The following RYR3 variants were observed in gnomAD, a reference collection of about 807,000 sequenced individuals.
RYR3 encodes the protein brain ryanodine receptor-calcium release channel.
A neutral mutation model predicts 584.3 loss-of-function variants in RYR3; 207 were observed. The ratio of observed to expected loss-of-function variants is 0.35; its 90% CI spans 0.32 to 0.40. The LOEUF (loss-of-function observed/expected upper bound fraction) is 0.40. Among genes scored for constraint, RYR3 ranks in the 10% least tolerant of loss-of-function variants. RYR3 has a pLI of 1.00. For synonymous variants in RYR3, 2,416 were observed against 2,248.5 expected, an observed-to-expected ratio of 1.07 and a Z score of -2.11; for missense variants, 5,616 against 6,089.2, an observed-to-expected ratio of 0.92 and a Z score of 2.59.
Position 33,721,510 on chromosome 15 carries a change from C to T in RYR3, c.6620-1205C>T, listed in dbSNP as rs564237279. Among the ~76,000 whole-genome samples, 192 of 152,282 alleles carry T rather than the reference C, an allele frequency of 1.3e-3. 1 individual carries two copies. The highest frequency in any genetic ancestry group is 1.8e-3 in the African/African-American group (73 of 41,548). ...CTTATCACATTGTAACCTCGATTAT[C>T]GCTCAGTTCTCCAAGAAATACCTAG... On this transcript the variant is annotated intron_variant, in intron 43 of 103. Coordinates refer to ENST00000634891, the MANE Select transcript of RYR3 (RefSeq NM_001036.6).
intron 16 of RYR3, among the ~76,000 whole-genome samples, chr15:33,593,871 T>G (rs1398583088): frequency 6.6e-6 from 1 of 152,216 alleles, no homozygotes; most frequent in East Asian, 1.9e-4. Flanking sequence ...ACTGGTTTGC[T>G]TTATTATACT....
At chr15:33,430,462 T>C (rs1481152140) in intron 1 of RYR3, among the ~76,000 whole-genome samples, 2 of 152,206 alleles carry the variant, frequency 1.3e-5, no homozygotes, top group Non-Finnish European at 2.9e-5. Flanking sequence ...GAGAGCTTTA[T>C]CTAAAAATTT....
chr15:33,647,475 T>C lies in RYR3; in HGVS notation c.3978+15T>C, dbSNP rs1566866448. On this transcript the variant is annotated intron_variant, in intron 30 of 103. Transcript: ENST00000634891. ...ATACAACAACAGTAAGTAAATGTGC[T>C]CAATTATGGTTTTAATTATTTGATT... 3.8e-6 allele frequency: 6 copies of C among 1,576,918 alleles called. No homozygotes were observed. Among genetic ancestry groups the C allele is most frequent in the Non-Finnish European group, 3.5e-6 (4 of 1,146,376 alleles).
chr15:33,788,274 A>T lies in RYR3; in HGVS notation c.9646A>T (p.Ile3216Phe), dbSNP rs762804569. The T allele has an allele frequency of 2.5e-6, 4 of 1,614,024 alleles. No homozygotes were observed. Among genetic ancestry groups the T allele is most frequent in the Middle Eastern group, 1.6e-4 (1 of 6,062 alleles). ...ARPDLLRSHF[I>F]PTLEKLKKKA... Reference sequence around the variant, plus strand: ...GCCCGACCTGCTGAGAAGCCACTTCATCCCAACTCTGGAGAAGCTGAAGAA... The same window carrying T: ...GCCCGACCTGCTGAGAAGCCACTTCTTCCCAACTCTGGAGAAGCTGAAGAA... The change falls in exon 67 of 104, where the codon ATC becomes TTC. Residue 3216 changes from isoleucine (I) to phenylalanine (F), a missense_variant. Physicochemically the swap from Ile to Phe is conservative, Grantham distance 21. Transcript: ENST00000634891.
intron 103 of RYR3, 142 bp downstream of exon 103, chr15:33,864,331 A>G (rs1889661001): frequency 3.1e-6 from 2 of 644,278 alleles, no homozygotes; most frequent in South Asian, 2.1e-5. Flanking sequence ...TTGTGACTCA[A>G]TAAGAAGCCA....
intron 82 of RYR3, 147 bp from the exon 83 acceptor site, chr15:33,826,105 T>C: frequency 1.3e-6 from 1 of 755,988 alleles, no homozygotes; most frequent in Non-Finnish European, 2.3e-6. Context: ...ACTTGCTCTG[T>C]TTCAGTAAAA....
At chr15:33,553,389 C>T (rs957431954) in intron 10 of RYR3, among the ~76,000 whole-genome samples, 6 of 152,080 alleles carry the variant, frequency 3.9e-5, no homozygotes, top group African/African-American at 4.8e-5. Flanking sequence ...GCTGCAGGTG[C>T]GTGCTAACAT....
intron 94 of RYR3, chr15:33,852,005 AC>A: frequency 6.7e-6 from 1 of 150,354 alleles, no homozygotes; most frequent in African/African-American, 2.5e-5. Context: ...GCTTTAACAA[AC>A]CAAAAAAAAA....
intron 1 of RYR3, among the ~76,000 whole-genome samples, chr15:33,385,933 G>A (rs1214954898): frequency 1.3e-5 from 2 of 151,900 alleles, no homozygotes; most frequent in African/African-American, 4.8e-5. Context: ...ACAAACTCCT[G>A]TGCTCAAGTG....
chr15:33,356,013 G>C (rs918987720), intron 1 of RYR3, among the ~76,000 whole-genome samples: 2 of 152,178 alleles, frequency 1.3e-5, no homozygotes, highest in Non-Finnish European at 2.9e-5. Flanking sequence ...AGGACATTCA[G>C]GTGGAGATTT....
chr15:33,793,960 T>G (rs932530058), intron 67 of RYR3, among the ~76,000 whole-genome samples: 1 of 137,890 alleles, frequency 7.3e-6, no homozygotes. Context: ...ATTTATTTAT[T>G]TATGTAAATG....
intron 1 of RYR3, among the ~76,000 whole-genome samples, chr15:33,432,668 T>TGTGTGTGTGTGTGTGTGTGTGTGTGTG (rs113646851): frequency 2.3e-5 from 3 of 132,142 alleles, no homozygotes; most frequent in African/African-American, 9.5e-5. Flanking sequence ...GCCTAGCTAA[T>TGTGTGTGTGTGTGTGTGTGTGTGTGTG]TGTGTGTGTG....
intron 1 of RYR3, among the ~76,000 whole-genome samples, chr15:33,366,977 G>A (rs1384389020): frequency 6.6e-6 from 1 of 152,210 alleles, no homozygotes; most frequent in East Asian, 1.9e-4. Context: ...GACATTGGGT[G>A]TACCTGATAT....
At chr15:33,640,662 G>T (rs1015832563) in intron 27 of RYR3, among the ~76,000 whole-genome samples, 1 of 152,128 alleles carries the variant, frequency 6.6e-6, no homozygotes, top group African/African-American at 2.4e-5. Flanking sequence ...CCAGTATGAG[G>T]CCTTATAATA....
At chr15:33,641,369 C>G (rs920932030) in intron 27 of RYR3, among the ~76,000 whole-genome samples, 5 of 152,222 alleles carry the variant, frequency 3.3e-5, no homozygotes, top group African/African-American at 1.2e-4. Context: ...ATCTGTAGAG[C>G]ACTAAGCCTG....
At chr15:33,535,499 G>A (rs1028177751) in intron 5 of RYR3, among the ~76,000 whole-genome samples, 3 of 152,150 alleles carry the variant, frequency 2.0e-5, no homozygotes, top group African/African-American at 7.2e-5. Flanking sequence ...TTCCTCTAAG[G>A]TGTTGTCGAC....
chr15:33,690,551 A>T (rs1401679788), intron 38 of RYR3, among the ~76,000 whole-genome samples: 1 of 152,204 alleles, frequency 6.6e-6, no homozygotes, highest in Non-Finnish European at 1.5e-5. Context: ...ATTCAGAAGT[A>T]AACATGGAAA....
rs550553714 is a variant in RYR3, at chr15:33,378,665, T to C, written c.51+67569T>C. The stretch of plus-strand genomic sequence containing the variant: ...AGTTATTATTAGGACAGAAAGCAGA[T>C]TGAAAATATGTTTTAAGGCCATGTG... On this transcript the variant is annotated intron_variant, in intron 1 of 103. Coordinates refer to ENST00000634891, the MANE Select transcript of RYR3 (RefSeq NM_001036.6). 2.4e-4 allele frequency among the ~76,000 whole-genome samples: 37 copies of C among 152,370 alleles called. No individual in the cohort carries two copies. The South Asian group carries it at 7.5e-3, about 31-fold the overall frequency.
Position 33,442,304 on chromosome 15 carries a change from GAATT to G in RYR3, c.52-31109_52-31106del, listed in dbSNP as rs555990754. Among the ~76,000 whole-genome samples, 15 of 152,276 alleles carry G rather than the reference GAATT, an allele frequency of 9.9e-5. No homozygotes were observed. The South Asian group carries it at 2.5e-3, about 25-fold the overall frequency. Reference sequence around the variant, plus strand: ...GTCAAGCAATTGAAATTTCCACCATGAATTAATTACATTGTTTTATGGTATCTCA... The same window carrying G: ...GTCAAGCAATTGAAATTTCCACCATGAATTACATTGTTTTATGGTATCTCA... On this transcript the variant is annotated intron_variant, in intron 1 of 103. Transcript: ENST00000634891.
Sources: allele counts gnomAD v4.1 joint callset (sites outside exome capture counted in the v4.1 genomes callset), GRCh38; gene constraint gnomAD v4.1.1; transcripts MANE v1.5; gene names NCBI Gene and HGNC (gene_info 2026-07-23, HGNC 2026-07-21).